TM9SF4: variants seen among roughly 807,000 people sequenced by gnomAD.
TM9SF4 encodes transmembrane 9 superfamily member 4, also known as dinucleotide oxidase disulfide thiol exchanger 3 superfamily member 4.
A neutral mutation model predicts 90.4 loss-of-function variants in TM9SF4; 26 were observed. That is an observed-to-expected ratio of 0.29 (90% CI 0.21 to 0.40). The LOEUF (loss-of-function observed/expected upper bound fraction) is 0.40. Ranked by LOEUF, TM9SF4 falls within the 10% of genes least tolerant of loss-of-function variation. TM9SF4 has a pLI of 1.00. For missense variants in TM9SF4, 549 were observed against 834.8 expected, an observed-to-expected ratio of 0.66 and a Z score of 4.22; for synonymous variants, 293 against 315.4, an observed-to-expected ratio of 0.93 and a Z score of 0.75.
chr20:32,121,933 A>AC lies in TM9SF4; in HGVS notation c.16-11072dup, dbSNP rs540061370. Among the ~76,000 whole-genome samples, 445 of 107,416 alleles carry AC rather than the reference A, an allele frequency of 4.1e-3. 12 individuals are homozygous for AC. The highest frequency in any genetic ancestry group is 0.013 in the African/African-American group (365 of 27,678). 70.5% of individuals were successfully genotyped at this position (107,416 alleles called of 152,430 possible). A position where few individuals can be genotyped will look rare whatever the true frequency, so the allele number is the denominator to read the frequency against. On this transcript the variant is annotated intron_variant, in intron 1 of 17. Coordinates refer to ENST00000398022, the MANE Select transcript of TM9SF4 (RefSeq NM_014742.4). ...GGGCGGCTGGCCGGGCGGGGGGCTG[A>AC]CCCCCCCCAGCTCCCTCCCGGACGG...
chr20:32,128,946 G>T (rs549189222), intron 1 of TM9SF4, among the ~76,000 whole-genome samples: 21 of 151,922 alleles, frequency 1.4e-4, no homozygotes, highest in African/African-American at 5.1e-4. Flanking sequence ...TACCAAGCTA[G>T]GATTACTCTA....
At position 32,151,450 on chromosome 20, in the gene TM9SF4, G is replaced by C. The variant is rs57208286; in HGVS notation, c.1245+575G>C. 4.6e-5 allele frequency among the ~76,000 whole-genome samples: 7 copies of C among 151,890 alleles called. No homozygotes were observed. The South Asian group carries it at 6.2e-4, about 14-fold the overall frequency. ...GAGCCCCTTCTCCTAGAGCGAGTGA[G>C]TCTCTTAGAGGACTAGGAAGACTCT... On this transcript the variant is annotated intron_variant, in intron 12 of 17. Coordinates refer to ENST00000398022, the MANE Select transcript of TM9SF4 (RefSeq NM_014742.4).
intron 1 of TM9SF4, among the ~76,000 whole-genome samples, chr20:32,122,953 G>T (rs554581688): frequency 1.3e-5 from 2 of 151,832 alleles, no homozygotes; most frequent in South Asian, 2.1e-4. Flanking sequence ...GATCACTCGC[G>T]GTTAGGAGCT....
At chr20:32,109,919 T>C (rs1010083520) in intron 1 of TM9SF4, 164 bp downstream of exon 1, 20 of 1,462,770 alleles carry the variant, frequency 1.4e-5, no homozygotes, top group Non-Finnish European at 1.8e-5. Flanking sequence ...TCCACCTCCC[T>C]GGCCCTGCCC....
intron 10 of TM9SF4, among the ~76,000 whole-genome samples, chr20:32,150,150 C>T (rs2046820734): frequency 6.6e-6 from 1 of 152,242 alleles, no homozygotes; most frequent in Admixed American, 6.5e-5. Flanking sequence ...TAATTTTAGA[C>T]AGCTTTGGAG....
chr20:32,120,259 C>G (rs780069172), intron 1 of TM9SF4, among the ~76,000 whole-genome samples: 8 of 152,086 alleles, frequency 5.3e-5, no homozygotes, highest in Non-Finnish European at 1.0e-4. Context: ...AATATTGAGT[C>G]TTCTAGTCCA....
intron 17 of TM9SF4, among the ~76,000 whole-genome samples, chr20:32,163,268 A>AAAAAAAAAAATATAT (rs1555886757): frequency 1.3e-5 from 1 of 74,492 alleles, no homozygotes; most frequent in African/African-American, 5.9e-5. Flanking sequence ...AAAAAAAAAA[A>AAAAAAAAAAATATAT]ATATATATAT....
intron 2 of TM9SF4, among the ~76,000 whole-genome samples, chr20:32,133,865 G>A (rs2046556194): frequency 6.6e-6 from 1 of 152,170 alleles, no homozygotes; most frequent in Non-Finnish European, 1.5e-5. Flanking sequence ...GGAGTGCAGT[G>A]GCGTGAGCAT....
At chr20:32,156,207 GT>G (rs2046917508) in intron 13 of TM9SF4, among the ~76,000 whole-genome samples, 1 of 152,120 alleles carries the variant, frequency 6.6e-6, no homozygotes, top group Non-Finnish European at 1.5e-5. Flanking sequence ...TTGCTTTGTA[GT>G]AATACTGTTC....
At position 32,157,989 on chromosome 20, in the gene TM9SF4, C is replaced by A. The variant is rs2046954358; in HGVS notation, c.1505+20C>A. 6.2e-7 allele frequency: 1 copy of A among 1,613,432 alleles called. No homozygotes were observed. The highest frequency in any genetic ancestry group is 1.1e-5 in the South Asian group (1 of 91,060). ...TGTGGGGTGAGTCCTCCAGCAGAGG[C>A]AAGAGCAGGGGAACGTGGAAGAGGG... On this transcript the variant is annotated intron_variant, in intron 14 of 17. Coordinates refer to ENST00000398022, the MANE Select transcript of TM9SF4 (RefSeq NM_014742.4).
chr20:32,122,294 G>A (rs1445051655), intron 1 of TM9SF4, among the ~76,000 whole-genome samples: 1 of 138,580 alleles, frequency 7.2e-6, no homozygotes, highest in Non-Finnish European at 1.5e-5. Context: ...CGGCTGGCCT[G>A]GCGGGGGGCT....
chr20:32,142,844 T>C, intron 5 of TM9SF4, 138 bp from the exon 6 acceptor site: 3 of 1,166,366 alleles, frequency 2.6e-6, no homozygotes, highest in East Asian at 2.7e-5. Flanking sequence ...TTGAAGAGCT[T>C]CTGAGTAGGG....
intron 6 of TM9SF4, among the ~76,000 whole-genome samples, chr20:32,144,095 A>C (rs1365694671): frequency 6.6e-6 from 1 of 151,954 alleles, no homozygotes; most frequent in Non-Finnish European, 1.5e-5. Context: ...ATAGGCGCCC[A>C]CTACCGCACC....
Position 32,146,867 on chromosome 20 carries a change from T to A in TM9SF4, c.954+12T>A. 1 of 1,612,984 alleles carries A rather than the reference T, an allele frequency of 6.2e-7. No individual in the cohort carries two copies. The highest frequency in any genetic ancestry group is 8.5e-7 in the Non-Finnish European group (1 of 1,179,596). On this transcript the variant is annotated intron_variant, in intron 9 of 17. Coordinates refer to ENST00000398022, the MANE Select transcript of TM9SF4 (RefSeq NM_014742.4). ...AGGAGGATGACATTGTACGAGGTCTTGGCTGGGGAGGGATGAAGTTGGATG... is the reference window on the plus strand; with the variant it reads ...AGGAGGATGACATTGTACGAGGTCTAGGCTGGGGAGGGATGAAGTTGGATG...
At chr20:32,117,712 G>T (rs756205010) in intron 1 of TM9SF4, among the ~76,000 whole-genome samples, 1 of 148,692 alleles carries the variant, frequency 6.7e-6, no homozygotes, top group South Asian at 2.2e-4. Context: ...AACATTCCAG[G>T]TCACCTGTAT....
At chr20:32,123,860 A>AT (rs2046373473) in intron 1 of TM9SF4, among the ~76,000 whole-genome samples, 1 of 58,820 alleles carries the variant, frequency 1.7e-5, no homozygotes, top group African/African-American at 1.0e-4. Context: ...ATATATATAT[A>AT]TATATATTTT....
At chr20:32,148,272 C>T (rs954777115) in intron 9 of TM9SF4, among the ~76,000 whole-genome samples, 2 of 152,150 alleles carry the variant, frequency 1.3e-5, no homozygotes, top group African/African-American at 4.8e-5. Flanking sequence ...TTGAGAAGAC[C>T]GTTTTGGACC....
At position 32,136,163 on chromosome 20, in the gene TM9SF4, A is replaced by G. The variant is rs201195650; in HGVS notation, c.219A>G (p.Ala73=). The change falls in exon 3 of 18, where the codon GCA becomes GCG. Residue 73 remains alanine, a synonymous_variant. Coordinates refer to ENST00000398022, the MANE Select transcript of TM9SF4 (RefSeq NM_014742.4). ...FCQPSKITYK[A]ENLGEVLRGD... ...AGCCCAGCAAGATAACCTACAAGGC[A>G]GAGAATCTGGGTAAGTTCTTCTCCC... 1 of 1,614,156 alleles carries G rather than the reference A, an allele frequency of 6.2e-7. No homozygotes were observed. Among genetic ancestry groups the G allele is most frequent in the East Asian group, 2.2e-5 (1 of 44,884 alleles).
rs542756301 is a variant in TM9SF4, at chr20:32,158,028, G to A, written c.1505+59G>A. On this transcript the variant is annotated intron_variant, in intron 14 of 17. Transcript: ENST00000398022. ...CGTGGAAGAGGGTACGCCCCCCTCC[G>A]CCACCAGAAGGGTGCGGCAACCAGA... The A allele has an allele frequency of 1.2e-4, 192 of 1,593,608 alleles. 1 individual carries two copies. In the Admixed American group the frequency reaches 2.1e-3, roughly 18 times the overall value.
Sources: gnomAD v4.1 joint callset for allele counts (sites outside exome capture counted in the v4.1 genomes callset) on GRCh38, gnomAD v4.1.1 for gene constraint, MANE v1.5 for transcripts, NCBI Gene and HGNC (gene_info 2026-07-23, HGNC 2026-07-21) for gene names.